The following TRAPPC2 variants were observed in gnomAD, a reference collection of about 807,000 sequenced individuals.
TRAPPC2 encodes trafficking protein particle complex subunit 2.
In TRAPPC2, 4 loss-of-function variants were observed where a neutral mutation model predicts 10.0. That is an observed-to-expected ratio of 0.40 (90% CI 0.20 to 0.92). TRAPPC2 has a LOEUF of 0.92. Ranked by LOEUF, TRAPPC2 falls within the 40% of genes least tolerant of loss-of-function variation. The pLI is 0.35. For missense variants in TRAPPC2, 52 were observed against 108.7 expected (o/e 0.48, Z 2.32); for synonymous variants, 36 against 37.3 (o/e 0.97, Z 0.12).
chrX:13,725,589 A>C (rs1247915757), intron 2 of TRAPPC2, among the ~76,000 whole-genome samples: 1 of 112,162 alleles, frequency 8.9e-6, no homozygotes, highest in African/African-American at 3.2e-5. Flanking sequence ...CTACACCAAA[A>C]CCCCATCTGT....
chrX:13,719,827 A>G (rs1203413416), intron 3 of TRAPPC2, 44 bp downstream of exon 3: 2 of 933,606 alleles, frequency 2.1e-6, no homozygotes, highest in Non-Finnish European at 3.0e-6. Context: ...TTCTAAAATC[A>G]TATTATACCA....
rs1316783874 is a variant in TRAPPC2, at chrX:13,719,895, CA to C, written c.68del (p.Leu23CysfsTer15). On this transcript the variant is annotated frameshift_variant, in exon 3 of 6. Coordinates refer to ENST00000380579, the MANE Select transcript of TRAPPC2 (RefSeq NM_001011658.4). LOFTEE classifies it high-confidence loss of function. ...CTTTGGATTCTGCCTTCCCAGCTGG[CA>C]AAAACTCCATTTCAAAAACTGGATT... ...HDNPVFEMEF[L>X]PAGKAESKDD... 1.7e-6 allele frequency: 2 copies of C among 1,199,999 alleles called. No individual in the cohort carries two copies. Among genetic ancestry groups the C allele is most frequent in the Admixed American group, 2.2e-5 (1 of 45,054 alleles).
chrX:13,732,390 G>A (rs768291601), intron 2 of TRAPPC2, among the ~76,000 whole-genome samples: 5 of 112,155 alleles, frequency 4.5e-5, no homozygotes, highest in Non-Finnish European at 7.5e-5. Flanking sequence ...CTTTAAATAC[G>A]ATAAGCTATC....
At chrX:13,725,279 C>T (rs745566938) in intron 2 of TRAPPC2, among the ~76,000 whole-genome samples, 47 of 112,962 alleles carry the variant, frequency 4.2e-4, no homozygotes, top group Admixed American at 1.3e-3. Context: ...GCTCTGAGAA[C>T]GGACAGACTG....
chrX:13,720,893 G>C (rs1272680961), intron 2 of TRAPPC2: 4 of 110,070 alleles, frequency 3.6e-5, no homozygotes, highest in Non-Finnish European at 5.7e-5. Flanking sequence ...AGGCATGGTG[G>C]TATGTGCCTG....
intron 2 of TRAPPC2, among the ~76,000 whole-genome samples, chrX:13,724,400 T>A (rs1397008039): frequency 1.8e-4 from 15 of 82,309 alleles, no homozygotes; most frequent in Middle Eastern, 6.2e-3. Flanking sequence ...AATATATATT[T>A]AAAAAAAAAA....
chrX:13,722,208 C>CAGAAAAAAAAAAAAAAAAA, intron 2 of TRAPPC2: 2 of 36,116 alleles, frequency 5.5e-5, no homozygotes, highest in Non-Finnish European at 1.0e-4. Context: ...TAAGCAGCAG[C>CAGAAAAAAAAAAAAAAAAA]AAAAAAAAAA....
intron 2 of TRAPPC2, chrX:13,721,265 C>A (rs1315555611): frequency 8.9e-6 from 1 of 112,030 alleles, no homozygotes; most frequent in Non-Finnish European, 1.9e-5. Flanking sequence ...AGTGTGACCA[C>A]AGGCAGTCCT....
At chrX:13,722,208 C>CAAAAAAAA (rs748574644) in intron 2 of TRAPPC2, 5 of 36,118 alleles carry the variant, frequency 1.4e-4, no homozygotes, top group East Asian at 7.0e-4. Flanking sequence ...TAAGCAGCAG[C>CAAAAAAAA]AAAAAAAAAA....
chrX:13,726,905 G>A (rs1216330037), intron 2 of TRAPPC2, among the ~76,000 whole-genome samples: 8 of 111,929 alleles, frequency 7.1e-5, no homozygotes, highest in Non-Finnish European at 1.3e-4. Flanking sequence ...TAAAGGGATG[G>A]AGGAAGATCT....
rs1394706755 is a variant in TRAPPC2 at position 13,712,295 on chromosome X, T to C, written c.*2112A>G. Reference sequence around the variant, plus strand: ...ATCAAATAGGGTAAAAATTATGCAATTTCACACAAGGATACAAGACAAAGC... The same window carrying C: ...ATCAAATAGGGTAAAAATTATGCAACTTCACACAAGGATACAAGACAAAGC... On this transcript the variant is annotated 3_prime_UTR_variant, in exon 6 of 6. Transcript: ENST00000380579. 1 of 111,409 alleles carries C rather than the reference T, an allele frequency of 9.0e-6. No individual in the cohort carries two copies. The highest frequency in any genetic ancestry group is 1.9e-5 in the Non-Finnish European group (1 of 53,277). 9.2% of individuals were successfully genotyped at this position (111,409 alleles called of 1,213,427 possible).
At chrX:13,734,011 A>G in intron 2 of TRAPPC2, 33 bp downstream of exon 2, 2 of 513,386 alleles carry the variant, frequency 3.9e-6, no homozygotes, top group Non-Finnish European at 7.0e-6. Flanking sequence ...TTTCCTTTCT[A>G]ATTACATTTA....
chrX:13,731,683 AT>A (rs1170941883), intron 2 of TRAPPC2, among the ~76,000 whole-genome samples: 2 of 111,718 alleles, frequency 1.8e-5, no homozygotes, highest in Non-Finnish European at 3.8e-5. Flanking sequence ...TATTTGCTGA[AT>A]GAGGGATGGC....
Position 13,714,219 on chromosome X carries a change from A to G in TRAPPC2, c.*188T>C, listed in dbSNP as rs180933515. 6.8e-6 allele frequency: 2 copies of G among 295,953 alleles called. No individual in the cohort carries two copies. The highest frequency in any genetic ancestry group is 5.5e-5 in the African/African-American group (2 of 36,144). 24.4% of individuals were successfully genotyped at this position (295,953 alleles called of 1,213,427 possible). On this transcript the variant is annotated 3_prime_UTR_variant, in exon 6 of 6. Coordinates refer to ENST00000380579, the MANE Select transcript of TRAPPC2 (RefSeq NM_001011658.4). ...TAACACTGTTCACAAGGAAATACCA[A>G]TTGATCTATTGATACGTGACATGAG...
At chrX:13,715,155 A>G (rs1362742796) in intron 5 of TRAPPC2, among the ~76,000 whole-genome samples, 1 of 112,967 alleles carries the variant, frequency 8.9e-6, no homozygotes, top group Non-Finnish European at 1.9e-5. Context: ...AATTCTGTCC[A>G]AATACAGAAC....
intron 2 of TRAPPC2, among the ~76,000 whole-genome samples, chrX:13,727,978 G>A (rs1004726549): frequency 8.9e-6 from 1 of 111,951 alleles, no homozygotes; most frequent in East Asian, 2.8e-4. Context: ...ACACCTCTAC[G>A]CAAATAAACT....
At chrX:13,717,035 A>T (rs1422141222) in intron 3 of TRAPPC2, among the ~76,000 whole-genome samples, 3 of 12,210 alleles carry the variant, frequency 2.5e-4, no homozygotes, top group East Asian at 4.2e-3. Context: ...ATACTATGTT[A>T]AAAAAAAAAA....
intron 3 of TRAPPC2, among the ~76,000 whole-genome samples, chrX:13,717,060 A>T (rs1189682742): frequency 9.5e-6 from 1 of 104,772 alleles, no homozygotes; most frequent in Non-Finnish European, 2.0e-5. Context: ...AAAAAAAAAA[A>T]AAAACAAGAT....
intron 2 of TRAPPC2, among the ~76,000 whole-genome samples, chrX:13,731,338 A>G (rs190939878): frequency 1.5e-4 from 17 of 112,561 alleles, no homozygotes; most frequent in Non-Finnish European, 2.4e-4. Flanking sequence ...ATTTTCAGTC[A>G]GATGCCATGC....
Sources: allele counts gnomAD v4.1 joint callset (sites outside exome capture counted in the v4.1 genomes callset), GRCh38; gene constraint gnomAD v4.1.1; transcripts MANE v1.5; gene names NCBI Gene and HGNC (gene_info 2026-07-23, HGNC 2026-07-21).